The following UBASH3B variants were observed in gnomAD, a reference collection of about 807,000 sequenced individuals.
UBASH3B encodes ubiquitin-associated and SH3 domain-containing protein B.
UBASH3B carries 37 observed loss-of-function variants against 83.4 expected under a neutral mutation model. The observed-to-expected ratio is 0.44, with a 90% confidence interval of 0.34 to 0.58. UBASH3B has a LOEUF of 0.58. Ranked by LOEUF, UBASH3B falls within the 20% of genes least tolerant of loss-of-function variation. UBASH3B has a pLI of 0.01. For synonymous variants in UBASH3B, 304 were observed against 318.3 expected (o/e 0.96, Z 0.48); for missense variants, 657 against 827.2 (o/e 0.79, Z 2.52).
chr11:122,725,830 A>T (rs996217923), intron 1 of UBASH3B, among the ~76,000 whole-genome samples: 2 of 151,582 alleles, frequency 1.3e-5, no homozygotes. Flanking sequence ...AGTAGCAGGG[A>T]TTATAGGTGT....
At chr11:122,661,246 C>T (rs754703280) in intron 1 of UBASH3B, among the ~76,000 whole-genome samples, 8 of 152,174 alleles carry the variant, frequency 5.3e-5, no homozygotes, top group Non-Finnish European at 8.8e-5. Flanking sequence ...CTGGAATGAG[C>T]GCTTTTGACT....
chr11:122,720,488 A>T (rs1860605557), intron 1 of UBASH3B, among the ~76,000 whole-genome samples: 1 of 152,200 alleles, frequency 6.6e-6, no homozygotes, highest in African/African-American at 2.4e-5. Context: ...AGGCAGATGG[A>T]ATCACTCCAC....
chr11:122,757,332 C>CT (rs1361136782), intron 1 of UBASH3B, among the ~76,000 whole-genome samples: 2 of 152,144 alleles, frequency 1.3e-5, no homozygotes, highest in Non-Finnish European at 2.9e-5. Flanking sequence ...CTGTGTGAGG[C>CT]TATAAGAAGT....
chr11:122,773,101 TG>T (rs1287365511), intron 1 of UBASH3B, among the ~76,000 whole-genome samples: 1 of 152,248 alleles, frequency 6.6e-6, no homozygotes, highest in East Asian at 1.9e-4. Flanking sequence ...GTAAACTCTC[TG>T]CCAAGTCCTG....
intron 2 of UBASH3B, 78 bp from the exon 3 acceptor site, chr11:122,776,946 G>A (rs572388023): frequency 1.5e-6 from 2 of 1,374,558 alleles, no homozygotes; most frequent in Non-Finnish European, 9.9e-7. Context: ...CACATGGAGG[G>A]TGGATCTGTC....
chr11:122,769,376 G>A (rs999036780), intron 1 of UBASH3B, among the ~76,000 whole-genome samples: 2 of 152,144 alleles, frequency 1.3e-5, no homozygotes, highest in Non-Finnish European at 2.9e-5. Flanking sequence ...CCAACATTGG[G>A]GATCAAATTT....
At chr11:122,743,801 G>T (rs1312014451) in intron 1 of UBASH3B, among the ~76,000 whole-genome samples, 2 of 152,220 alleles carry the variant, frequency 1.3e-5, no homozygotes, top group Non-Finnish European at 2.9e-5. Flanking sequence ...AAGGTGGCGT[G>T]GCAGGCACGA....
chr11:122,794,584 A>G, intron 6 of UBASH3B, 118 bp from the exon 7 acceptor site: 3 of 1,289,854 alleles, frequency 2.3e-6, no homozygotes, highest in Non-Finnish European at 3.3e-6. Context: ...AGCATCCCCC[A>G]TCATTGTGCT....
intron 1 of UBASH3B, among the ~76,000 whole-genome samples, chr11:122,740,311 G>A (rs1032110726): frequency 2.6e-5 from 4 of 152,314 alleles, no homozygotes; most frequent in Non-Finnish European, 4.4e-5. Flanking sequence ...ACTGCACCTT[G>A]AATTGTGAAC....
At chr11:122,753,934 C>G (rs993915889) in intron 1 of UBASH3B, among the ~76,000 whole-genome samples, 3 of 152,178 alleles carry the variant, frequency 2.0e-5, no homozygotes, top group Non-Finnish European at 4.4e-5. Context: ...AAATCAAGTG[C>G]CTTCCCTGTG....
intron 1 of UBASH3B, among the ~76,000 whole-genome samples, chr11:122,656,741 TAGG>T (rs1262092067): frequency 1.3e-5 from 2 of 151,556 alleles, no homozygotes; most frequent in African/African-American, 2.4e-5. Flanking sequence ...CCCCCTGGAG[TAGG>T]AGGAGCGGGA....
rs143404953 is a variant in UBASH3B at position 122,739,345 on chromosome 11, A to T, written c.162-36874A>T. Among the ~76,000 whole-genome samples the T allele has an allele frequency of 5.4e-4, 83 of 152,294 alleles. No individual in the cohort carries two copies. In the East Asian group the frequency reaches 0.014, roughly 27 times the overall value. ...GGCTGGGGGAGGAATTTTAATAGAG[A>T]GCAAAAAAATCACTTGTAAGCATTT... is the stretch of plus-strand genomic sequence containing the variant. On this transcript the variant is annotated intron_variant, in intron 1 of 13. Coordinates refer to ENST00000284273, the MANE Select transcript of UBASH3B (RefSeq NM_032873.5).
chr11:122,722,710 C>CTTT (rs35917085), intron 1 of UBASH3B, among the ~76,000 whole-genome samples: 1 of 146,412 alleles, frequency 6.8e-6, no homozygotes. Context: ...TCTGGTATTT[C>CTTT]TTTTTTTTTT....
Position 122,780,900 on chromosome 11 carries a change from A to G in UBASH3B, c.601+1205A>G, listed in dbSNP as rs1273569857. ...ATTTTAGGGAGTGCCAGAGAGGGGG[A>G]AGACCTGAGCAAGGCCGCAGTTTGC... On this transcript the variant is annotated intron_variant, in intron 4 of 13. Transcript: ENST00000284273. Among the ~76,000 whole-genome samples, 3 of 152,146 alleles carry G rather than the reference A, an allele frequency of 2.0e-5. No homozygotes were observed. In the East Asian group the frequency reaches 5.8e-4, roughly 29 times the overall value.
chr11:122,655,874 A>T lies in UBASH3B; in HGVS notation c.-176A>T. The T allele has an allele frequency of 2.9e-6, 2 of 683,516 alleles. No individual in the cohort carries two copies. The highest frequency in any genetic ancestry group is 4.5e-6 in the Non-Finnish European group (2 of 446,152). The allele number at this position is 683,516 out of a possible 1,614,324, so 42.3% of individuals were successfully genotyped here. On this transcript the variant is annotated 5_prime_UTR_variant, in exon 1 of 14. Coordinates refer to ENST00000284273, the MANE Select transcript of UBASH3B (RefSeq NM_032873.5). ...CCGGCGTTCTGGCTCCTGTGGCCTC[A>T]CCAGGAAGCGTCAGAGTCCCGACAC... is the stretch of plus-strand genomic sequence containing the variant.
chr11:122,700,471 A>G (rs934670184), intron 1 of UBASH3B, among the ~76,000 whole-genome samples: 1 of 131,258 alleles, frequency 7.6e-6, no homozygotes, highest in Admixed American at 7.3e-5. Context: ...TGTTCATCTT[A>G]CTCACTCTCA....
chr11:122,810,955 A>G lies in UBASH3B; in HGVS notation c.*1069A>G, dbSNP rs1861435967. The G allele has an allele frequency of 1.3e-5, 2 of 152,228 alleles. No homozygotes were observed. The highest frequency in any genetic ancestry group is 1.5e-5 in the Non-Finnish European group (1 of 68,030). The allele number at this position is 152,228 out of a possible 1,614,324, so 9.4% of individuals were successfully genotyped here. On this transcript the variant is annotated 3_prime_UTR_variant, in exon 14 of 14. Coordinates refer to ENST00000284273, the MANE Select transcript of UBASH3B (RefSeq NM_032873.5). Reference sequence around the variant, plus strand: ...AATGCATCAATTATACCAGGGATGTATAGTAAGTCAGGGAACTAATATAAA... The same window carrying G: ...AATGCATCAATTATACCAGGGATGTGTAGTAAGTCAGGGAACTAATATAAA...
intron 9 of UBASH3B, chr11:122,797,312 C>G (rs1861173844): frequency 3.6e-6 from 1 of 281,310 alleles, no homozygotes; most frequent in Non-Finnish European, 6.7e-6. Context: ...GCAGACAGGT[C>G]AGCTTCTAGT....
At chr11:122,659,963 C>G (rs887616226) in intron 1 of UBASH3B, among the ~76,000 whole-genome samples, 1 of 152,162 alleles carries the variant, frequency 6.6e-6, no homozygotes, top group African/African-American at 2.4e-5. Context: ...CCACCCAGCC[C>G]GTGCTGGGCT....
Sources: gnomAD v4.1 joint callset for allele counts (sites outside exome capture counted in the v4.1 genomes callset) on GRCh38, gnomAD v4.1.1 for gene constraint, MANE v1.5 for transcripts, NCBI Gene and HGNC (gene_info 2026-07-23, HGNC 2026-07-21) for gene names.